ARHGAP29: variants seen among roughly 807,000 people sequenced by gnomAD.
ARHGAP29 encodes the protein Rho GTPase activating protein 29.
A neutral mutation model predicts 122.6 loss-of-function variants in ARHGAP29; 43 were observed. The observed-to-expected ratio is 0.35, with a 90% CI of 0.27 to 0.45. ARHGAP29 has a LOEUF of 0.45. Among genes scored for constraint, ARHGAP29 ranks in the 20% least tolerant of loss-of-function variants. The pLI, the probability that ARHGAP29 is intolerant of heterozygous loss-of-function variation, is 1.00. For missense variants in ARHGAP29, 1,303 were observed against 1,477.2 expected (o/e 0.88, Z 1.93); for synonymous variants, 506 against 497.1 (o/e 1.02, Z -0.24).
chr1:94,239,021 T>C (rs1005052820), upstream of ARHGAP29, among the ~76,000 whole-genome samples: 59 of 152,316 alleles, frequency 3.9e-4, no homozygotes, highest in African/African-American at 1.3e-3. Context: ...TTTTTTGGAC[T>C]CAACTTACAC....
the ARHGAP29 span, among the ~76,000 whole-genome samples, chr1:94,288,152 G>A: frequency 2.6e-5 from 4 of 152,080 alleles, no homozygotes; most frequent in East Asian, 3.8e-4. Context: ...ATCCTCTCTC[G>A]CATCTGTTGT....
At chr1:94,242,334 A>T (rs1224036756), upstream of ARHGAP29, among the ~76,000 whole-genome samples, 1 of 152,170 alleles carries the variant, frequency 6.6e-6, no homozygotes, top group Non-Finnish European at 1.5e-5. Flanking sequence ...GCCACACCCC[A>T]ACAAAGCTTC....
In ARHGAP29 at chr1:94,220,289, A is replaced by G; in HGVS notation, c.309T>C (p.Asn103=). 20 of 1,613,506 alleles carry G rather than the reference A, an allele frequency of 1.2e-5. No individual in the cohort carries two copies. Among genetic ancestry groups the G allele is most frequent in the Non-Finnish European group, 1.6e-5 (19 of 1,179,716 alleles). Residue 103 remains asparagine (N), a synonymous_variant, in exon 3 of 23, where the codon AAT becomes AAC. Coordinates refer to ENST00000260526, the MANE Select transcript of ARHGAP29 (RefSeq NM_004815.4). ...CTTTTGCAGTGAGCATTTCTGCAGC[A>G]TTTTGAAGATCAACAGAATTGAGGT... ...HQNLNSVDLQ[N]AAEMLTAKVK...
intron 1 of ARHGAP29, among the ~76,000 whole-genome samples, chr1:94,257,798 G>A (rs1654418577): frequency 6.6e-6 from 1 of 152,172 alleles, no homozygotes; most frequent in Non-Finnish European, 1.5e-5. Context: ...TATAACAGCA[G>A]CAAGGACTAG....
chr1:94,246,635 G>A (rs1653808693), intron 1 of ARHGAP29, among the ~76,000 whole-genome samples: 1 of 152,256 alleles, frequency 6.6e-6, no homozygotes, highest in Middle Eastern at 3.4e-3. Context: ...TGGTGAAAAG[G>A]TGAGATAAAC....
chr1:94,292,504 G>A, the ARHGAP29 span, among the ~76,000 whole-genome samples: 4 of 152,204 alleles, frequency 2.6e-5, no homozygotes, highest in Admixed American at 1.3e-4. Context: ...TTGCTGGCAA[G>A]GAGTTGTGTT....
intron 12 of ARHGAP29, chr1:94,192,960 A>G (rs1056683333): frequency 1.3e-5 from 2 of 152,204 alleles, no homozygotes; most frequent in East Asian, 1.9e-4. Context: ...ACAAAAGACA[A>G]TAAAAAGACA....
upstream of ARHGAP29, among the ~76,000 whole-genome samples, chr1:94,279,321 C>G (rs115525085): frequency 8.7e-3 from 1,330 of 152,230 alleles, 4 homozygotes; most frequent in Non-Finnish European, 0.015. Flanking sequence ...TGTGCTAGAC[C>G]CTCTGCCTGG....
chr1:94,218,929 T>G (rs968263107), intron 3 of ARHGAP29, among the ~76,000 whole-genome samples: 1 of 152,186 alleles, frequency 6.6e-6, no homozygotes, highest in Non-Finnish European at 1.5e-5. Flanking sequence ...TCTCATCATG[T>G]TCTTCTCACC....
chr1:94,254,152 A>T (rs1654230067), intron 1 of ARHGAP29, among the ~76,000 whole-genome samples: 1 of 152,228 alleles, frequency 6.6e-6, no homozygotes, highest in Non-Finnish European at 1.5e-5. Context: ...TGGTATCTAG[A>T]AATGTCTATA....
Position 94,184,209 on chromosome 1 carries a change from T to A in ARHGAP29, c.2189A>T (p.Asp730Val). Residue 730 changes from aspartate (D) to valine (V), a missense_variant, in exon 19 of 23, where the codon GAT (aspartate) becomes GTT (valine). Coordinates refer to ENST00000260526, the MANE Select transcript of ARHGAP29 (RefSeq NM_004815.4). ...ATCATGTGAACTAAATTCTGAAATA[T>A]CTACCAAGTGCATTCCATTTTCCAA... is the stretch of plus-strand genomic sequence containing the variant. ...QALENGMHLV[D>V]ISEFSSHDIC... The A allele has an allele frequency of 6.2e-7, 1 of 1,611,640 alleles. No individual in the cohort carries two copies.
the ARHGAP29 span, among the ~76,000 whole-genome samples, chr1:94,282,085 G>T: frequency 6.6e-6 from 1 of 151,880 alleles, no homozygotes; most frequent in African/African-American, 2.4e-5. Flanking sequence ...AAAAATCTAT[G>T]TTTAAAAAAT....
chr1:94,286,895 A>G, the ARHGAP29 span, among the ~76,000 whole-genome samples: 1 of 152,210 alleles, frequency 6.6e-6, no homozygotes, highest in Admixed American at 6.5e-5. Flanking sequence ...GCTCTCACAC[A>G]ACAATCACAA....
At chr1:94,227,573 A>G (rs773418492) in intron 2 of ARHGAP29, among the ~76,000 whole-genome samples, 42 of 151,954 alleles carry the variant, frequency 2.8e-4, no homozygotes, top group African/African-American at 1.0e-3. Flanking sequence ...GAGTAGCAGA[A>G]CAATTAGATA....
intron 1 of ARHGAP29, among the ~76,000 whole-genome samples, chr1:94,257,723 G>A (rs975207554): frequency 3.9e-5 from 6 of 152,036 alleles, no homozygotes; most frequent in African/African-American, 1.4e-4. Context: ...AGAAGAAGGA[G>A]AAGGAGAAGA....
chr1:94,304,596 G>A, the ARHGAP29 span, among the ~76,000 whole-genome samples: 5 of 152,240 alleles, frequency 3.3e-5, no homozygotes, highest in South Asian at 4.1e-4. Context: ...TTATTACTTC[G>A]CTGTTCATGT....
In ARHGAP29 at chr1:94,231,536, T is replaced by G. The variant is rs768935830; in HGVS notation, c.76A>C (p.Thr26Pro). ...AAGGACTTGAGCCCCATTTCAGAAG[T>G]TGTAATATCAGTAGAGAGTTGACCT... ...ASGQLSTDIT[T>P]SEMGLKSLSS... The change falls in exon 2 of 23, where the codon ACT becomes CCT. Residue 26 changes from threonine to proline, a missense_variant. This residue lies in a region of ARHGAP29 where 592 missense variants were observed against 648.2 expected (regional missense o/e 0.91). Transcript: ENST00000260526. The G allele has an allele frequency of 1.5e-5, 24 of 1,613,854 alleles. No individual in the cohort carries two copies. In the Admixed American group the frequency reaches 4.0e-4, roughly 27 times the overall value.
At chr1:94,298,765 A>G in the ARHGAP29 span, among the ~76,000 whole-genome samples, 3 of 152,220 alleles carry the variant, frequency 2.0e-5, no homozygotes, top group African/African-American at 4.8e-5. Flanking sequence ...TAACGAGTTC[A>G]TTTACATGGT....
In ARHGAP29 at chr1:94,172,670, G is replaced by A. The variant is rs763777008; in HGVS notation, c.*1199C>T. On this transcript the variant is annotated 3_prime_UTR_variant, in exon 23 of 23. Coordinates refer to ENST00000260526, the MANE Select transcript of ARHGAP29 (RefSeq NM_004815.4). Reference sequence around the variant, plus strand: ...CACAGTCATACAAAAACATTTAGTAGAAATATAATTCACACATAAAAACAG... The same window carrying A: ...CACAGTCATACAAAAACATTTAGTAAAAATATAATTCACACATAAAAACAG... 1.3e-5 allele frequency: 2 copies of A among 150,788 alleles called. No homozygotes were observed. Among genetic ancestry groups the A allele is most frequent in the Non-Finnish European group, 3.0e-5 (2 of 67,592 alleles). 9.3% of individuals were successfully genotyped at this position (150,788 alleles called of 1,614,324 possible). A position where few individuals can be genotyped will look rare whatever the true frequency, so the allele number is the denominator to read the frequency against.
Sources: gnomAD v4.1 joint callset for allele counts (sites outside exome capture counted in the v4.1 genomes callset) on GRCh38, gnomAD v4.1.1 for gene constraint, gnomAD v4.1.1 regional missense constraint, MANE v1.5 for transcripts, NCBI Gene and HGNC (gene_info 2026-07-23, HGNC 2026-07-21) for gene names.